Variants in MOCOS observed in about 807,000 individuals in gnomAD.
The protein encoded by MOCOS is human molybdenum cofactor sulfurase.
Under a neutral mutation model 83.6 loss-of-function variants are expected in MOCOS, and 86 were observed. The ratio of observed to expected loss-of-function variants is 1.03; its 90% CI spans 0.86 to 1.23. The LOEUF is 1.23. Among genes scored for constraint, MOCOS ranks in the 50% most tolerant of loss-of-function variants. MOCOS has a pLI of 0.00. For synonymous variants in MOCOS, 445 were observed against 434.7 expected (o/e 1.02, Z -0.29); for missense variants, 1,120 against 1,126.9 (o/e 0.99, Z 0.09).
At chr18:36,230,610 G>A (rs542207102) in intron 9 of MOCOS, among the ~76,000 whole-genome samples, 1 of 152,288 alleles carries the variant, frequency 6.6e-6, no homozygotes, top group Non-Finnish European at 1.5e-5. Flanking sequence ...GCTTCACTGT[G>A]CCAGGCCCAT....
intron 4 of MOCOS, among the ~76,000 whole-genome samples, chr18:36,201,244 A>G (rs2091413207): frequency 6.6e-6 from 1 of 152,208 alleles, no homozygotes; most frequent in Non-Finnish European, 1.5e-5. Flanking sequence ...CCTTGACGAT[A>G]GAGTCAGTGT....
rs373636590 is a variant in MOCOS at position 36,200,010 on chromosome 18, C to G, written c.627C>G (p.Val209=). The G allele has an allele frequency of 5.6e-6, 9 of 1,614,250 alleles. No individual in the cohort carries two copies. The African/African-American group carries it at 1.1e-4, about 19-fold the overall frequency. ...CYPAQSNFSG[V]RYPLSWIEEV... The stretch of plus-strand genomic sequence containing the variant: ...CAGCTCAGAGTAACTTTTCTGGAGT[C>G]AGATACCCCCTGTCCTGGATAGAAG... The change falls in exon 4 of 15, where the codon GTC becomes GTG. Residue 209 remains valine (V), a synonymous_variant. Coordinates refer to ENST00000261326, the MANE Select transcript of MOCOS (RefSeq NM_017947.4).
intron 6 of MOCOS, among the ~76,000 whole-genome samples, chr18:36,208,863 C>T (rs2091443937): frequency 6.6e-6 from 1 of 152,176 alleles, no homozygotes; most frequent in Non-Finnish European, 1.5e-5. Context: ...TCATCCTTAT[C>T]TTGTGCCAGT....
chr18:36,262,272 C>CACACACACACACACACACACACAT (rs1200370964), intron 13 of MOCOS, among the ~76,000 whole-genome samples: 28 of 151,424 alleles, frequency 1.8e-4, no homozygotes, highest in African/African-American at 6.3e-4. Context: ...CACACACACA[C>CACACACACACACACACACACACAT]ACACGAAAAA....
chr18:36,200,157 C>T lies in MOCOS; in HGVS notation c.774C>T (p.Val258=), dbSNP rs1191820188. 1 of 1,614,246 alleles carries T rather than the reference C, an allele frequency of 6.2e-7. No homozygotes were observed. Among genetic ancestry groups the T allele is most frequent in the Non-Finnish European group, 8.5e-7 (1 of 1,180,052 alleles). ...TGTCAGCTCACCAGGCCGACTTTGT[C>T]CCCATCTCCTTCTATAAGATCTTCG... ...LDLSAHQADF[V]PISFYKIFGF... The change falls in exon 4 of 15, where the codon GTC becomes GTT. Residue 258 remains valine (V), a synonymous_variant. Coordinates refer to ENST00000261326, the MANE Select transcript of MOCOS (RefSeq NM_017947.4).
At chr18:36,257,522 A>G (rs1281169046) in intron 12 of MOCOS, among the ~76,000 whole-genome samples, 3 of 152,124 alleles carry the variant, frequency 2.0e-5, no homozygotes, top group Non-Finnish European at 4.4e-5. Context: ...GGCACACTTT[A>G]TTTGAAAGAT....
chr18:36,261,835 C>T (rs573769971), intron 13 of MOCOS, among the ~76,000 whole-genome samples: 1 of 151,976 alleles, frequency 6.6e-6, no homozygotes, highest in South Asian at 2.1e-4. Context: ...AAAAAAATGC[C>T]TACTGTTACA....
chr18:36,212,215 T>C (rs1421330326), intron 6 of MOCOS, among the ~76,000 whole-genome samples: 1 of 151,412 alleles, frequency 6.6e-6, no homozygotes, highest in Non-Finnish European at 1.5e-5. Context: ...ATCTCCTCCA[T>C]GCCCTGTTTA....
intron 7 of MOCOS, among the ~76,000 whole-genome samples, chr18:36,214,405 G>GC (rs1383833985): frequency 6.6e-6 from 1 of 152,116 alleles, no homozygotes; most frequent in Non-Finnish European, 1.5e-5. Context: ...ACCTGGTTCA[G>GC]CCCTCCTGAG....
chr18:36,202,407 T>C (rs1030305567), intron 4 of MOCOS, among the ~76,000 whole-genome samples: 6 of 152,126 alleles, frequency 3.9e-5, no homozygotes, highest in Non-Finnish European at 8.8e-5. Context: ...CACAGGCAGG[T>C]AGTTTCAAAC....
At chr18:36,199,541 C>T in intron 3 of MOCOS, 142 bp from the exon 4 acceptor site, 1 of 1,306,296 alleles carries the variant, frequency 7.7e-7, no homozygotes, top group Non-Finnish European at 1.1e-6. Context: ...CTTCCATTGC[C>T]CTCGCCCTAA....
intron 9 of MOCOS, among the ~76,000 whole-genome samples, chr18:36,223,374 A>G (rs1328587075): frequency 6.6e-6 from 1 of 152,102 alleles, no homozygotes; most frequent in Non-Finnish European, 1.5e-5. Flanking sequence ...TTTTCTTGAC[A>G]CCCTTTCCAA....
intron 1 of MOCOS, among the ~76,000 whole-genome samples, chr18:36,192,829 A>G (rs1184136786): frequency 6.6e-6 from 1 of 151,990 alleles, no homozygotes; most frequent in African/African-American, 2.4e-5. Context: ...TTGTATTTGT[A>G]GTAGAGATGG....
intron 5 of MOCOS, 75 bp from the exon 6 acceptor site, chr18:36,204,996 CAAAAAA>C (rs10685658): frequency 5.0e-5 from 21 of 422,314 alleles, no homozygotes; most frequent in Admixed American, 3.6e-4. Context: ...GACCGTGTCT[CAAAAAA>C]AAAAAAAAAA....
chr18:36,266,889 A>G, intron 14 of MOCOS, 36 bp downstream of exon 14: 3 of 1,528,902 alleles, frequency 2.0e-6, no homozygotes, highest in Non-Finnish European at 2.7e-6. Flanking sequence ...CCTGGTTTCC[A>G]ATCCTGGTGT....
At chr18:36,229,719 C>T (rs537855526) in intron 9 of MOCOS, among the ~76,000 whole-genome samples, 2 of 151,914 alleles carry the variant, frequency 1.3e-5, no homozygotes, top group East Asian at 3.9e-4. Context: ...GCTCCTCTGA[C>T]TGAATTATTT....
chr18:36,259,784 G>A (rs564827692), intron 12 of MOCOS, among the ~76,000 whole-genome samples: 26 of 152,258 alleles, frequency 1.7e-4, no homozygotes, highest in South Asian at 1.0e-3. Context: ...AGATCTGCTC[G>A]CCCTTTGCCT....
chr18:36,215,731 T>G lies in MOCOS; in HGVS notation c.1551T>G (p.Ala517=). The change falls in exon 8 of 15, where the codon GCT becomes GCG. Residue 517 remains alanine (A), a synonymous_variant. Transcript: ENST00000261326. The stretch of plus-strand genomic sequence containing the variant: ...GAGCCCCATCAGCAGACAGCCAGGC[T>G]GATGTTATACCTGCTGTCATGGGCA... The part of the protein sequence containing the change: ...ETGAPSADSQ[A]DVIPAVMGRR... The G allele has an allele frequency of 6.2e-7, 1 of 1,614,210 alleles. No individual in the cohort carries two copies. Among genetic ancestry groups the G allele is most frequent in the Non-Finnish European group, 8.5e-7 (1 of 1,180,046 alleles).
Position 36,215,793 on chromosome 18 carries a change from G to A in MOCOS, c.1613G>A (p.Gly538Asp), listed in dbSNP as rs1038969242. ...SLSPQEDALT[G>D]SRVWNNSSTV... is the part of the protein sequence containing the mutation. ...TCGCCTCAGGAAGATGCCCTCACAG[G>A]CTCCAGGGTTTGGAACAACTCGTCT... is the stretch of plus-strand genomic sequence containing the variant. Residue 538 changes from glycine to aspartate, a missense_variant, in exon 8 of 15, where the codon GGC becomes GAC. Physicochemically the swap from Gly to Asp is moderately conservative, Grantham distance 94 (BLOSUM62 -1). Transcript: ENST00000261326. The A allele has an allele frequency of 1.9e-6, 3 of 1,614,066 alleles. No individual in the cohort carries two copies. The highest frequency in any genetic ancestry group is 2.7e-5 in the African/African-American group (2 of 74,914).
Sources: gnomAD v4.1 joint callset for allele counts (sites outside exome capture counted in the v4.1 genomes callset) on GRCh38, gnomAD v4.1.1 for gene constraint, MANE v1.5 for transcripts, NCBI Gene and HGNC (gene_info 2026-07-23, HGNC 2026-07-21) for gene names.